Variants in IL22RA2 observed in about 807,000 individuals in gnomAD.
The protein encoded by IL22RA2 is interleukin-22 receptor subunit alpha-2.
In IL22RA2, 39 loss-of-function variants were observed where a neutral mutation model predicts 30.7. That is an observed-to-expected ratio of 1.27 (90% CI 0.98 to 1.66). The LOEUF is 1.66. IL22RA2 is among the 40% of genes most tolerant of loss of function. The probability of loss-of-function intolerance (pLI) is 0.00; values close to 1 mark genes in which losing one functional copy is unlikely to be tolerated. For synonymous variants in IL22RA2, 103 were observed against 105.0 expected, an observed-to-expected ratio of 0.98 and a Z score of 0.11; for missense variants, 315 against 312.7, an observed-to-expected ratio of 1.01 and a Z score of -0.05.
At chr6:137,149,974 C>T (rs28362169) in intron 5 of IL22RA2, among the ~76,000 whole-genome samples, 2,748 of 152,298 alleles carry the variant, frequency 0.018, 101 homozygotes, top group African/African-American at 0.062. Context: ...GCCAACACAC[C>T]TGGCCTTCAC....
chr6:137,150,033 C>T lies in IL22RA2; in HGVS notation c.473-2142G>A, dbSNP rs76096434. Among the ~76,000 whole-genome samples the T allele has an allele frequency of 2.0e-3, 308 of 152,308 alleles. 1 individual carries two copies. The highest frequency in any genetic ancestry group is 7.2e-3 in the African/African-American group (298 of 41,560). ...CTAGGGTCAAATAATACTGAAATCTCGCTAAGTATCAAACGCTGCTTTTAA... is the reference window on the plus strand; with the variant it reads ...CTAGGGTCAAATAATACTGAAATCTTGCTAAGTATCAAACGCTGCTTTTAA... On this transcript the variant is annotated intron_variant, in intron 5 of 6. Transcript: ENST00000296980.
chr6:137,167,002 T>C (rs1012176704), intron 1 of IL22RA2, among the ~76,000 whole-genome samples: 10 of 152,320 alleles, frequency 6.6e-5, no homozygotes, highest in Admixed American at 4.6e-4. Context: ...TGCTAGTGTT[T>C]GTCTGCACTT....
chr6:137,170,077 G>A (rs904044079), intron 1 of IL22RA2, among the ~76,000 whole-genome samples: 18 of 152,056 alleles, frequency 1.2e-4, no homozygotes, highest in Non-Finnish European at 1.6e-4. Context: ...ATTTCTAATC[G>A]GAAGCATCCA....
rs1217446546 is a variant in IL22RA2 at position 137,144,527 on chromosome 6, C to G, written c.*1097G>C. ...GCAGCTTTCTGTTGACCACACTGAG[C>G]CTTAGGTCACCAGATTTCTACTCAG... On this transcript the variant is annotated 3_prime_UTR_variant, in exon 7 of 7. Coordinates refer to ENST00000296980, the MANE Select transcript of IL22RA2 (RefSeq NM_052962.3). 19 of 152,244 alleles carry G rather than the reference C, an allele frequency of 1.2e-4. No individual in the cohort carries two copies. The highest frequency in any genetic ancestry group is 1.2e-3 in the Admixed American group (19 of 15,274). The allele number at this position is 152,244 out of a possible 1,614,324, so 9.4% of individuals were successfully genotyped here.
intron 5 of IL22RA2, among the ~76,000 whole-genome samples, chr6:137,152,030 A>G (rs912833488): frequency 2.6e-5 from 4 of 152,162 alleles, no homozygotes; most frequent in Non-Finnish European, 4.4e-5. Flanking sequence ...TTCCACTCCT[A>G]TGTATATATT....
At chr6:137,166,010 GGAA>G (rs1778619270) in intron 1 of IL22RA2, among the ~76,000 whole-genome samples, 2 of 152,208 alleles carry the variant, frequency 1.3e-5, no homozygotes, top group African/African-American at 4.8e-5. Flanking sequence ...GGCGGAGCAT[GGAA>G]AGCCCCCATT....
intron 1 of IL22RA2, among the ~76,000 whole-genome samples, chr6:137,171,293 T>A (rs1316730844): frequency 6.6e-6 from 1 of 152,186 alleles, no homozygotes; most frequent in African/African-American, 2.4e-5. Flanking sequence ...TACAGCAGGG[T>A]TACAACTTCT....
At chr6:137,159,864 T>G (rs1162351947) in intron 2 of IL22RA2, among the ~76,000 whole-genome samples, 1 of 152,224 alleles carries the variant, frequency 6.6e-6, no homozygotes, top group Non-Finnish European at 1.5e-5. Context: ...AAAAAACACT[T>G]CCAAGCCCAT....
chr6:137,148,842 G>A (rs538859234), intron 5 of IL22RA2, among the ~76,000 whole-genome samples: 17 of 152,134 alleles, frequency 1.1e-4, no homozygotes, highest in African/African-American at 3.1e-4. Flanking sequence ...TGTCCTATCA[G>A]TGAGTCAGCT....
intron 5 of IL22RA2, among the ~76,000 whole-genome samples, chr6:137,148,471 C>A (rs977715135): frequency 6.6e-6 from 1 of 152,116 alleles, no homozygotes; most frequent in Non-Finnish European, 1.5e-5. Flanking sequence ...GGCCTAAAAC[C>A]TTGTCTTTTG....
At chr6:137,154,443 C>A (rs9321589) in intron 5 of IL22RA2, among the ~76,000 whole-genome samples, 22,078 of 152,074 alleles carry the variant, frequency 0.15, 1,697 homozygotes, top group Non-Finnish European at 0.17. Context: ...GATGAAACCC[C>A]GTCTCTACTA....
chr6:137,161,501 A>G (rs990333459), intron 2 of IL22RA2, among the ~76,000 whole-genome samples, 188 bp downstream of exon 2: 3 of 152,216 alleles, frequency 2.0e-5, no homozygotes, highest in Non-Finnish European at 4.4e-5. Flanking sequence ...GTGGGAACTC[A>G]TTAAGTACAT....
chr6:137,148,748 C>CT (rs1158684563), intron 5 of IL22RA2, among the ~76,000 whole-genome samples: 1 of 152,172 alleles, frequency 6.6e-6, no homozygotes. Flanking sequence ...GTTTTTAAAG[C>CT]ACTTTCCAAC....
chr6:137,159,176 C>T (rs1015509266), intron 2 of IL22RA2, among the ~76,000 whole-genome samples: 1 of 152,212 alleles, frequency 6.6e-6, no homozygotes, highest in Non-Finnish European at 1.5e-5. Flanking sequence ...ATGACTTGTG[C>T]TTTCTTCCTC....
chr6:137,171,197 A>G (rs1429129320), intron 1 of IL22RA2, among the ~76,000 whole-genome samples: 1 of 152,252 alleles, frequency 6.6e-6, no homozygotes, highest in Non-Finnish European at 1.5e-5. Flanking sequence ...TAGTCTCAGC[A>G]GCAAGGATGC....
chr6:137,154,540 G>A (rs1403063390), intron 5 of IL22RA2, among the ~76,000 whole-genome samples: 5 of 152,104 alleles, frequency 3.3e-5, no homozygotes, highest in East Asian at 3.9e-4. Flanking sequence ...GCTTGAACCC[G>A]GGATGCAGAG....
In IL22RA2 at chr6:137,145,589, G is replaced by A; in HGVS notation, c.*35C>T. 1 of 1,579,170 alleles carries A rather than the reference G, an allele frequency of 6.3e-7. No homozygotes were observed. The highest frequency in any genetic ancestry group is 1.8e-5 in the Admixed American group (1 of 54,542). On this transcript the variant is annotated 3_prime_UTR_variant, in exon 7 of 7. Coordinates refer to ENST00000296980, the MANE Select transcript of IL22RA2 (RefSeq NM_052962.3). ...GTCATCCTGTTCTCAGGGAGCTTTA[G>A]AATTTCCACATTGCTGAATGCCAAA...
chr6:137,173,161 G>A (rs1778776850), intron 1 of IL22RA2, among the ~76,000 whole-genome samples: 2 of 152,182 alleles, frequency 1.3e-5, no homozygotes, highest in South Asian at 2.1e-4. Context: ...CATTTGAGGT[G>A]TGGAGTTCCA....
chr6:137,163,852 A>G (rs1275765774), intron 1 of IL22RA2, among the ~76,000 whole-genome samples: 1 of 152,184 alleles, frequency 6.6e-6, no homozygotes, highest in African/African-American at 2.4e-5. Context: ...GGGAGAGACC[A>G]AGGCGGGGTT....
Sources: allele counts gnomAD v4.1 joint callset (sites outside exome capture counted in the v4.1 genomes callset), GRCh38; gene constraint gnomAD v4.1.1; transcripts MANE v1.5; gene names NCBI Gene and HGNC (gene_info 2026-07-23, HGNC 2026-07-21).